PGCKA1: variants seen among roughly 807,000 people sequenced by gnomAD.
PGCKA1 encodes the protein PDCD10 and GCKIII kinases-associated protein 1.
chr4:37,518,378 A>G, the PGCKA1 span, among the ~76,000 whole-genome samples: 1 of 152,208 alleles, frequency 6.6e-6, no homozygotes, highest in Admixed American at 6.5e-5. Flanking sequence ...ACTAATTTAC[A>G]TTCCCACCAA....
the PGCKA1 span, among the ~76,000 whole-genome samples, chr4:37,564,316 G>A: frequency 2.0e-5 from 3 of 149,982 alleles, no homozygotes; most frequent in Admixed American, 6.7e-5. Flanking sequence ...GAATATTCTC[G>A]CAGACAATTG....
the PGCKA1 span, among the ~76,000 whole-genome samples, chr4:37,491,069 G>A: frequency 1.3e-5 from 2 of 152,086 alleles, no homozygotes; most frequent in African/African-American, 4.8e-5. Flanking sequence ...AATATAAAGA[G>A]CCTGCAGATT....
the PGCKA1 span, among the ~76,000 whole-genome samples, chr4:37,491,745 T>C: frequency 4.6e-5 from 7 of 152,298 alleles, no homozygotes; most frequent in South Asian, 6.2e-4. Flanking sequence ...TGAATTATTT[T>C]CTTGATGTTT....
chr4:37,474,439 G>A, the PGCKA1 span, among the ~76,000 whole-genome samples: 5 of 152,198 alleles, frequency 3.3e-5, no homozygotes, highest in Admixed American at 6.5e-5. Flanking sequence ...ACTTGTCAAC[G>A]TTGCCTCTCT....
chr4:37,567,039 G>T, the PGCKA1 span, among the ~76,000 whole-genome samples: 145 of 151,776 alleles, frequency 9.6e-4, no homozygotes, highest in African/African-American at 3.3e-3. Flanking sequence ...AGCACAAACT[G>T]CTTCTTGCAT....
At chr4:37,525,253 G>A in the PGCKA1 span, among the ~76,000 whole-genome samples, 2 of 152,134 alleles carry the variant, frequency 1.3e-5, no homozygotes, top group African/African-American at 2.4e-5. Flanking sequence ...CTTATTTAGT[G>A]TGGAAAAATT....
At chr4:37,513,980 T>C in the PGCKA1 span, among the ~76,000 whole-genome samples, 3 of 152,226 alleles carry the variant, frequency 2.0e-5, no homozygotes, top group South Asian at 6.2e-4. Flanking sequence ...TGTGCTGCTG[T>C]AACAGAACAC....
the PGCKA1 span, among the ~76,000 whole-genome samples, chr4:37,543,948 GT>G: frequency 6.6e-6 from 1 of 152,070 alleles, no homozygotes; most frequent in Admixed American, 6.6e-5. Flanking sequence ...ATCATCCTTG[GT>G]AATACTTTTG....
the PGCKA1 span, among the ~76,000 whole-genome samples, chr4:37,496,474 G>T: frequency 6.6e-6 from 1 of 152,152 alleles, no homozygotes; most frequent in Non-Finnish European, 1.5e-5. Context: ...GTCTGCTTTT[G>T]TACCAGTACC....
the PGCKA1 span, among the ~76,000 whole-genome samples, chr4:37,482,994 T>A: frequency 6.6e-6 from 1 of 152,090 alleles, no homozygotes; most frequent in African/African-American, 2.4e-5. Context: ...TTTGGCTGTG[T>A]CCCCACCCAA....
the PGCKA1 span, among the ~76,000 whole-genome samples, chr4:37,568,635 C>T: frequency 0.32 from 48,470 of 152,124 alleles, 8,377 homozygotes; most frequent in Middle Eastern, 0.4. Context: ...TGAGTGTGGA[C>T]GTAGGACCCA....
At chr4:37,503,896 T>G in the PGCKA1 span, among the ~76,000 whole-genome samples, 1 of 152,218 alleles carries the variant, frequency 6.6e-6, no homozygotes, top group Admixed American at 6.5e-5. Flanking sequence ...GTTATTCTAT[T>G]CTGTGGGTTG....
At chr4:37,466,302 A>G in the PGCKA1 span, among the ~76,000 whole-genome samples, 1 of 152,212 alleles carries the variant, frequency 6.6e-6, no homozygotes, top group Non-Finnish European at 1.5e-5. Flanking sequence ...TATCTGAAAT[A>G]TATTTCATTT....
chr4:37,505,065 A>G, the PGCKA1 span, among the ~76,000 whole-genome samples: 1 of 152,160 alleles, frequency 6.6e-6, no homozygotes, highest in Non-Finnish European at 1.5e-5. Flanking sequence ...TCTGTTGTAT[A>G]TGGATTTTAT....
At chr4:37,491,690 C>T in the PGCKA1 span, among the ~76,000 whole-genome samples, 1 of 152,008 alleles carries the variant, frequency 6.6e-6, no homozygotes, top group African/African-American at 2.4e-5. Flanking sequence ...ACTCAGTGGT[C>T]CTTTGAATCT....
chr4:37,471,375 A>G, the PGCKA1 span, among the ~76,000 whole-genome samples: 1 of 152,206 alleles, frequency 6.6e-6, no homozygotes, highest in Non-Finnish European at 1.5e-5. Flanking sequence ...AAATTAGCTT[A>G]CAGTTTGTTA....
chr4:37,489,386 T>C, the PGCKA1 span, among the ~76,000 whole-genome samples: 1 of 152,110 alleles, frequency 6.6e-6, no homozygotes, highest in Non-Finnish European at 1.5e-5. Flanking sequence ...TATGTCTCTG[T>C]TTTTTTGCCC....
the PGCKA1 span, among the ~76,000 whole-genome samples, chr4:37,509,412 G>A: frequency 7.4e-6 from 1 of 134,850 alleles, no homozygotes; most frequent in African/African-American, 2.9e-5. Context: ...GGGCGGCAGG[G>A]CAGAGATGCT....
the PGCKA1 span, among the ~76,000 whole-genome samples, chr4:37,541,238 C>G: frequency 6.6e-6 from 1 of 152,180 alleles, no homozygotes; most frequent in East Asian, 1.9e-4. Flanking sequence ...TCCTTTTCCA[C>G]CACCCACAAA....
Sources: gnomAD v4.1 joint callset for allele counts (sites outside exome capture counted in the v4.1 genomes callset) on GRCh38, gnomAD v4.1.1 for gene constraint, MANE v1.5 for transcripts, NCBI Gene and HGNC (gene_info 2026-07-23, HGNC 2026-07-21) for gene names.